Variants in FAM210A observed in about 807,000 individuals in gnomAD.
FAM210A encodes the protein mitochondrial inner membrane scaffold 1, also known as family with sequence similarity 210 member A.
FAM210A carries 13 observed loss-of-function variants against 25.3 expected under a neutral mutation model. The observed-to-expected ratio is 0.51, with a 90% confidence interval of 0.33 to 0.82. The LOEUF is 0.82. Among genes scored for constraint, FAM210A ranks in the 40% least tolerant of loss-of-function variants. The pLI is 0.02. For missense variants in FAM210A, 319 were observed against 323.2 expected, an observed-to-expected ratio of 0.99 and a Z score of 0.10; for synonymous variants, 125 against 118.7, an observed-to-expected ratio of 1.05 and a Z score of -0.35.
intron 1 of FAM210A, among the ~76,000 whole-genome samples, chr18:13,691,205 A>T (rs79523008): frequency 6.6e-6 from 1 of 152,228 alleles, no homozygotes; most frequent in Non-Finnish European, 1.5e-5. Flanking sequence ...AAGTTTAGAG[A>T]AAAAAGAATA....
At chr18:13,689,602 TGACA>T (rs777524873) in intron 1 of FAM210A, among the ~76,000 whole-genome samples, 1 of 152,140 alleles carries the variant, frequency 6.6e-6, no homozygotes, top group Non-Finnish European at 1.5e-5. Context: ...AAGGCAAAGA[TGACA>T]GACAACCTCT....
chr18:13,699,990 A>G (rs1316612673), intron 1 of FAM210A, among the ~76,000 whole-genome samples: 2 of 152,220 alleles, frequency 1.3e-5, no homozygotes, highest in East Asian at 3.8e-4. Flanking sequence ...TACTTCTACA[A>G]CTAAATGTGA....
At chr18:13,688,228 A>T (rs1322359433) in intron 1 of FAM210A, among the ~76,000 whole-genome samples, 1 of 152,198 alleles carries the variant, frequency 6.6e-6, no homozygotes, top group East Asian at 1.9e-4. Flanking sequence ...GCCCAAAGTG[A>T]GAACTTCCAA....
chr18:13,718,896 T>C (rs1486307785), intron 1 of FAM210A, among the ~76,000 whole-genome samples: 1 of 152,186 alleles, frequency 6.6e-6, no homozygotes, highest in African/African-American at 2.4e-5. Context: ...TTGTCAGTGT[T>C]TACTGTATCA....
chr18:13,682,807 T>G (rs2043566949), intron 1 of FAM210A, among the ~76,000 whole-genome samples: 1 of 152,168 alleles, frequency 6.6e-6, no homozygotes, highest in Non-Finnish European at 1.5e-5. Flanking sequence ...AGGTGGAGAT[T>G]GCAGTGAGTT....
At chr18:13,719,264 A>T (rs1985945) in intron 1 of FAM210A, among the ~76,000 whole-genome samples, 4 of 152,360 alleles carry the variant, frequency 2.6e-5, no homozygotes, top group Admixed American at 2.6e-4. Flanking sequence ...TCAGATAGCA[A>T]GGAAGAGTTA....
chr18:13,676,396 T>C (rs201774404), intron 2 of FAM210A, among the ~76,000 whole-genome samples: 13 of 128,424 alleles, frequency 1.0e-4, no homozygotes, highest in Non-Finnish European at 9.1e-5. Context: ...TCCTGAGCCC[T>C]GGCTTCTTTA....
chr18:13,682,254 T>C (rs1007889232), intron 1 of FAM210A, 149 bp from the exon 2 acceptor site: 1 of 610,950 alleles, frequency 1.6e-6, no homozygotes, highest in Non-Finnish European at 2.8e-6. Flanking sequence ...GTATAGAGTT[T>C]AAGCACAGTG....
chr18:13,706,860 G>GA (rs904599651), intron 1 of FAM210A, among the ~76,000 whole-genome samples: 5 of 152,198 alleles, frequency 3.3e-5, no homozygotes, highest in African/African-American at 7.2e-5. Context: ...GGGATTAACA[G>GA]AAAAAACCAC....
chr18:13,707,093 G>T (rs367878426), intron 1 of FAM210A, among the ~76,000 whole-genome samples: 5 of 152,136 alleles, frequency 3.3e-5, no homozygotes, highest in African/African-American at 1.2e-4. Flanking sequence ...TCTTCAACTG[G>T]AATGACAAGA....
intron 2 of FAM210A, among the ~76,000 whole-genome samples, chr18:13,678,074 A>C (rs904530174): frequency 1.3e-5 from 2 of 152,178 alleles, no homozygotes; most frequent in Admixed American, 1.3e-4. Context: ...TTCTATCTTC[A>C]GTTTCAATTC....
At chr18:13,669,385 G>A (rs778160163) in intron 3 of FAM210A, among the ~76,000 whole-genome samples, 11 of 152,102 alleles carry the variant, frequency 7.2e-5, no homozygotes, top group Non-Finnish European at 1.5e-4. Flanking sequence ...CTGATGACAC[G>A]CCATTCTCTG....
chr18:13,683,142 G>A (rs1211101679), intron 1 of FAM210A, among the ~76,000 whole-genome samples: 1 of 152,188 alleles, frequency 6.6e-6, no homozygotes, highest in Non-Finnish European at 1.5e-5. Flanking sequence ...AATTTCTGAT[G>A]TAAAGACACT....
chr18:13,678,010 T>A (rs917171863), intron 2 of FAM210A, among the ~76,000 whole-genome samples: 1 of 152,168 alleles, frequency 6.6e-6, no homozygotes, highest in Non-Finnish European at 1.5e-5. Context: ...TTAAGGGAAG[T>A]TTAAAGAGAT....
chr18:13,678,428 T>A (rs1225976032), intron 2 of FAM210A, among the ~76,000 whole-genome samples: 1 of 151,874 alleles, frequency 6.6e-6, no homozygotes, highest in Non-Finnish European at 1.5e-5. Context: ...TGCAATTCTG[T>A]AGTGTAATGC....
intron 1 of FAM210A, among the ~76,000 whole-genome samples, chr18:13,711,866 C>T (rs749866582): frequency 1.5e-4 from 23 of 152,174 alleles, no homozygotes; most frequent in Non-Finnish European, 2.9e-4. Flanking sequence ...CTTCCTCCCA[C>T]TCCCCAAATA....
chr18:13,716,649 A>G (rs2043864144), intron 1 of FAM210A, among the ~76,000 whole-genome samples: 1 of 152,048 alleles, frequency 6.6e-6, no homozygotes, highest in South Asian at 2.1e-4. Context: ...GAGTAATTGG[A>G]TCAGGGGGCA....
chr18:13,693,868 G>A (rs1047436060), intron 1 of FAM210A, among the ~76,000 whole-genome samples: 8 of 152,200 alleles, frequency 5.3e-5, no homozygotes, highest in African/African-American at 1.9e-4. Context: ...CATAGTGTTG[G>A]AAGTTCTGGC....
chr18:13,726,074 G>T (rs1332051003), intron 1 of FAM210A, among the ~76,000 whole-genome samples: 1 of 152,224 alleles, frequency 6.6e-6, no homozygotes, highest in South Asian at 2.1e-4. Flanking sequence ...CTGAAAAACA[G>T]TCCCAAAGCA....
Sources: gnomAD v4.1 joint callset for allele counts (sites outside exome capture counted in the v4.1 genomes callset) on GRCh38, gnomAD v4.1.1 for gene constraint, MANE v1.5 for transcripts, NCBI Gene and HGNC (gene_info 2026-07-23, HGNC 2026-07-21) for gene names.